DUSP8: variants seen among roughly 807,000 people sequenced by gnomAD.
DUSP8 encodes dual specificity phosphatase 8.
A neutral mutation model predicts 38.7 loss-of-function variants in DUSP8; 15 were observed. The ratio of observed to expected loss-of-function variants is 0.39; its 90% CI spans 0.26 to 0.60. The LOEUF (loss-of-function observed/expected upper bound fraction) is 0.60, where lower values mean the gene tolerates loss of function less well. Among genes scored for constraint, DUSP8 ranks in the 20% least tolerant of loss-of-function variants. The pLI, the probability that DUSP8 is intolerant of heterozygous loss-of-function variation, is 0.56. For synonymous variants in DUSP8, 458 were observed against 433.9 expected (o/e 1.06, Z -0.69); for missense variants, 768 against 915.0 (o/e 0.84, Z 2.07).
chr11:1,554,792 T>C lies in DUSP8; in HGVS notation c.*1726A>G, dbSNP rs903075720. The C allele has an allele frequency of 3.9e-6, 2 of 516,264 alleles. No homozygotes were observed. The highest frequency in any genetic ancestry group is 4.2e-5 in the African/African-American group (2 of 48,088). 32.0% of individuals were successfully genotyped at this position (516,264 alleles called of 1,614,324 possible). A position where few individuals can be genotyped will look rare whatever the true frequency, so the allele number is the denominator to read the frequency against. ...CAGACATATGGGAGGCAAATTTACA[T>C]AATTAATAATAATTAACCAATAATA... is the stretch of plus-strand genomic sequence containing the variant. On this transcript the variant is annotated 3_prime_UTR_variant, in exon 7 of 7. Transcript: ENST00000397374.
At chr11:1,560,051 G>A (rs1333409842) in intron 3 of DUSP8, among the ~76,000 whole-genome samples, 2 of 152,164 alleles carry the variant, frequency 1.3e-5, no homozygotes. Flanking sequence ...CCACCGATGT[G>A]GACCAGAAAC....
rs766687656 is a variant in DUSP8, at chr11:1,565,683, G to A, written c.144C>T (p.Asn48=). 67 of 1,611,872 alleles carry A rather than the reference G, an allele frequency of 4.2e-5. 1 individual carries two copies. The highest frequency in any genetic ancestry group is 3.4e-4 in the South Asian group (31 of 91,058). ...GCTTCACCAGCTTGGAGCAGCAGAT[G>A]TTGACGGAGCTGAGCACATGCCAGC... is the stretch of plus-strand genomic sequence containing the variant. ...YNSWHVLSSV[N]ICCSKLVKRR... is the part of the protein sequence containing the mutation. Residue 48 remains asparagine (N), a synonymous_variant, in exon 2 of 7, where the codon AAC becomes AAT. Transcript: ENST00000397374.
At position 1,554,995 on chromosome 11, in the gene DUSP8, G is replaced by A. The variant is rs1263923770; in HGVS notation, c.*1523C>T. On this transcript the variant is annotated 3_prime_UTR_variant, in exon 7 of 7. Coordinates refer to ENST00000397374, the MANE Select transcript of DUSP8 (RefSeq NM_004420.3). The stretch of plus-strand genomic sequence containing the variant: ...AACAAATAGAAGAAACAGCAGAGAG[G>A]GCGGCTGGCTGGGGCGGGATGGGCG... The A allele has an allele frequency of 2.0e-6, 2 of 986,262 alleles. No homozygotes were observed. Among genetic ancestry groups the A allele is most frequent in the Non-Finnish European group, 2.4e-6 (2 of 830,276 alleles). The allele number at this position is 986,262 out of a possible 1,614,324, so 61.1% of individuals were successfully genotyped here.
Position 1,555,019 on chromosome 11 carries a change from C to T in DUSP8, c.*1499G>A, listed in dbSNP as rs1440657724. The T allele has an allele frequency of 1.5e-5, 15 of 986,044 alleles. No homozygotes were observed. The highest frequency in any genetic ancestry group is 7.0e-5 in the African/African-American group (4 of 57,198). The allele number at this position is 986,044 out of a possible 1,614,324, so 61.1% of individuals were successfully genotyped here. On this transcript the variant is annotated 3_prime_UTR_variant, in exon 7 of 7. Coordinates refer to ENST00000397374, the MANE Select transcript of DUSP8 (RefSeq NM_004420.3). ...GGGCGGCTGGCTGGGGCGGGATGGG[C>T]GCCTCCCTGGCCCTGCTCCAGGACT...
chr11:1,567,840 G>A (rs116420422), intron 1 of DUSP8, among the ~76,000 whole-genome samples: 1 of 152,262 alleles, frequency 6.6e-6, no homozygotes, highest in South Asian at 2.1e-4. Flanking sequence ...AAGTTCAACA[G>A]CAAAAGGGCC....
In DUSP8 at chr11:1,557,306, G is replaced by A; in HGVS notation, c.1090C>T (p.Pro364Ser). ...TGCTGCAGTGCGCTGGTCGCCGGGG[G>A]CGTGGGGGGCGCGGGGGGCTCCCCG... The part of the protein sequence containing the change: ...AGGEPPAPPT[P>S]PATSALQQGL... The change falls in exon 7 of 7, where the codon CCC becomes TCC. Residue 364 changes from proline to serine, a missense_variant. By Grantham distance (74) the Pro-to-Ser change is moderately conservative. Coordinates refer to ENST00000397374, the MANE Select transcript of DUSP8 (RefSeq NM_004420.3). This position sits in a 1 kb window ranked among gnomAD's most constrained non-coding sequence, Gnocchi z 9.9. 1.4e-6 allele frequency: 2 copies of A among 1,476,328 alleles called. No individual in the cohort carries two copies. The highest frequency in any genetic ancestry group is 2.4e-4 in the Middle Eastern group (1 of 4,132). The allele number at this position is 1,476,328 out of a possible 1,614,324, so 91.5% of individuals were successfully genotyped here. A position where few individuals can be genotyped will look rare whatever the true frequency, so the allele number is the denominator to read the frequency against.
chr11:1,561,814 C>G (rs1340241248), intron 3 of DUSP8, among the ~76,000 whole-genome samples: 9 of 152,232 alleles, frequency 5.9e-5, no homozygotes, highest in East Asian at 1.9e-4. Flanking sequence ...CACCCCTGCC[C>G]CCCCCAATAT....
chr11:1,564,090 T>C (rs902319432), intron 2 of DUSP8, 101 bp from the exon 3 acceptor site: 53 of 1,322,248 alleles, frequency 4.0e-5, no homozygotes, highest in Non-Finnish European at 5.0e-5. Context: ...GGGCATCAGA[T>C]GATGGGAGGC....
In DUSP8 at chr11:1,555,414, A is replaced by T. The variant is rs1848606373; in HGVS notation, c.*1104T>A. The T allele has an allele frequency of 2.0e-6, 2 of 986,300 alleles. No homozygotes were observed. The highest frequency in any genetic ancestry group is 9.4e-5 in the South Asian group (2 of 21,298). The allele number at this position is 986,300 out of a possible 1,614,324, so 61.1% of individuals were successfully genotyped here. Reference sequence around the variant, plus strand: ...TGGCGCCTGAACTCCCTGTGTGAGCAGCACCTGCTCACAGAGCCCCTCAGC... The same window carrying T: ...TGGCGCCTGAACTCCCTGTGTGAGCTGCACCTGCTCACAGAGCCCCTCAGC... On this transcript the variant is annotated 3_prime_UTR_variant, in exon 7 of 7. Transcript: ENST00000397374.
chr11:1,557,446 G>A lies in DUSP8; in HGVS notation c.950C>T (p.Pro317Leu), dbSNP rs768795799. Reference protein sequence around the residue: ...QGDPGTPSGTPEPPPSPAAGA... With the variant: ...QGDPGTPSGTLEPPPSPAAGA... ...GGCGGCAGGACTGGGCGGAGGCTCCGGCGTCCCTGAGGGGGTGCCCGGGTC... is the reference window on the plus strand; with the variant it reads ...GGCGGCAGGACTGGGCGGAGGCTCCAGCGTCCCTGAGGGGGTGCCCGGGTC... Residue 317 changes from proline (P) to leucine (L), a missense_variant, in exon 7 of 7, where the codon CCG becomes CTG. Coordinates refer to ENST00000397374, the MANE Select transcript of DUSP8 (RefSeq NM_004420.3). This position sits in a 1 kb window ranked among gnomAD's most constrained non-coding sequence, Gnocchi z 9.9. 9 of 1,561,936 alleles carry A rather than the reference G, an allele frequency of 5.8e-6. No individual in the cohort carries two copies. The highest frequency in any genetic ancestry group is 7.7e-6 in the Non-Finnish European group (9 of 1,165,810).
chr11:1,562,604 C>T (rs1030531427), intron 3 of DUSP8, among the ~76,000 whole-genome samples: 4 of 152,222 alleles, frequency 2.6e-5, no homozygotes, highest in African/African-American at 9.6e-5. Context: ...CACGTGCACA[C>T]ACGTACATGC....
At position 1,558,268 on chromosome 11, in the gene DUSP8, G is replaced by A. The variant is rs1474198604; in HGVS notation, c.541C>T (p.Leu181=). 26 of 1,362,942 alleles carry A rather than the reference G, an allele frequency of 1.9e-5. No individual in the cohort carries two copies. The highest frequency in any genetic ancestry group is 2.3e-5 in the Non-Finnish European group (23 of 1,000,110). The allele number at this position is 1,362,942 out of a possible 1,614,324, so 84.4% of individuals were successfully genotyped here. ...GSQKDVLNKD[L]MTQNGISYVL... ...TAGCTTATTCCATTTTGCGTCATCA[G>A]ATCCTGGAGGGGCGGGAGGGCGGGT... Residue 181 remains leucine (L), a synonymous_variant, in exon 5 of 7, where the codon CTG becomes TTG. Coordinates refer to ENST00000397374, the MANE Select transcript of DUSP8 (RefSeq NM_004420.3). The surrounding 1 kb of genome is among the most constrained non-coding windows in gnomAD (Gnocchi z 6.3).
Position 1,558,659 on chromosome 11 carries a change from C to T in DUSP8, c.537+230G>A, listed in dbSNP as rs1848672860. On this transcript the variant is annotated intron_variant, in intron 4 of 6. Transcript: ENST00000397374. This position sits in a 1 kb window ranked among gnomAD's most constrained non-coding sequence, Gnocchi z 6.3. Reference sequence around the variant, plus strand: ...CAGCTTGGCATGCCAGCTCCCCGCTCCTCCCCCGAGCCCTGCCGGGCCCTC... The same window carrying T: ...CAGCTTGGCATGCCAGCTCCCCGCTTCTCCCCCGAGCCCTGCCGGGCCCTC... Among the ~76,000 whole-genome samples the T allele has an allele frequency of 6.6e-6, 1 of 152,174 alleles. No individual in the cohort carries two copies. The highest frequency in any genetic ancestry group is 1.5e-5 in the Non-Finnish European group (1 of 68,018).
chr11:1,561,027 T>A (rs1848709473), intron 3 of DUSP8, among the ~76,000 whole-genome samples: 1 of 152,152 alleles, frequency 6.6e-6, no homozygotes, highest in Non-Finnish European at 1.5e-5. Flanking sequence ...GTAGTGTGGA[T>A]GTCCCTACAC....
At chr11:1,570,927 C>A (rs1278713583) in intron 1 of DUSP8, among the ~76,000 whole-genome samples, 2 of 152,000 alleles carry the variant, frequency 1.3e-5, no homozygotes, top group Non-Finnish European at 2.9e-5. Flanking sequence ...GCTTCCCTGG[C>A]CTGCAGCACC....
intron 1 of DUSP8, among the ~76,000 whole-genome samples, chr11:1,567,512 T>C (rs1564937238): frequency 1.3e-5 from 2 of 152,244 alleles, no homozygotes; most frequent in Non-Finnish European, 2.9e-5. Flanking sequence ...AGCTCCTCCC[T>C]GCCCAGGAGC....
Position 1,566,777 on chromosome 11 carries a change from C to G in DUSP8, c.-108-843G>C, listed in dbSNP as rs565196059. Among the ~76,000 whole-genome samples the G allele has an allele frequency of 9.2e-5, 14 of 152,254 alleles. No homozygotes were observed. In the East Asian group the frequency reaches 2.5e-3, roughly 27 times the overall value. ...GGCGGGGCAGCCCTGGGAGGAGGGT[C>G]AGTGTCGGGGACCCCGCAGGTGCCA... is the stretch of plus-strand genomic sequence containing the variant. On this transcript the variant is annotated intron_variant, in intron 1 of 6. Transcript: ENST00000397374.
chr11:1,570,657 G>A (rs986085457), intron 1 of DUSP8, among the ~76,000 whole-genome samples: 5 of 152,200 alleles, frequency 3.3e-5, no homozygotes, highest in African/African-American at 7.2e-5. Context: ...CCGGCTGGCT[G>A]CAGCAGGAGG....
Position 1,554,391 on chromosome 11 carries a change from A to C in DUSP8, c.*2127T>G, listed in dbSNP as rs1461290107. ...GGCCCGCCTCCCGCAGCACTGGAGG[A>C]GGCAGTGGCCAGGTGGGAGGGGCCG... On this transcript the variant is annotated 3_prime_UTR_variant, in exon 7 of 7. Transcript: ENST00000397374. 1 of 152,550 alleles carries C rather than the reference A, an allele frequency of 6.6e-6. No homozygotes were observed. Among genetic ancestry groups the C allele is most frequent in the Non-Finnish European group, 1.5e-5 (1 of 68,452 alleles). The allele number at this position is 152,550 out of a possible 1,614,324, so 9.4% of individuals were successfully genotyped here. A position where few individuals can be genotyped will look rare whatever the true frequency, so the allele number is the denominator to read the frequency against.
Sources: gnomAD v4.1 joint callset for allele counts (sites outside exome capture counted in the v4.1 genomes callset) on GRCh38, gnomAD v4.1.1 for gene constraint, Gnocchi (gnomAD v3.1) non-coding constraint, MANE v1.5 for transcripts, NCBI Gene and HGNC (gene_info 2026-07-23, HGNC 2026-07-21) for gene names.